The following STAB2 variants were observed in gnomAD, a reference collection of about 807,000 sequenced individuals.
STAB2 encodes the protein stabilin 2.
In STAB2, 288 loss-of-function variants were observed where a neutral mutation model predicts 338.1. The ratio of observed to expected loss-of-function variants is 0.85; its 90% confidence interval spans 0.77 to 0.94. The LOEUF (loss-of-function observed/expected upper bound fraction) is 0.94. Ranked by LOEUF, STAB2 falls within the 40% of genes least tolerant of loss-of-function variation. The probability of loss-of-function intolerance (pLI) is 0.00; values close to 1 mark genes in which losing one functional copy is unlikely to be tolerated. For synonymous variants in STAB2, 1,202 were observed against 1,193.3 expected (o/e 1.01, Z -0.15); for missense variants, 3,141 against 3,210.1 (o/e 0.98, Z 0.52).
intron 9 of STAB2, among the ~76,000 whole-genome samples, chr12:103,642,993 A>G (rs2138702461): frequency 6.6e-6 from 1 of 152,190 alleles, no homozygotes; most frequent in East Asian, 1.9e-4. Context: ...TTGCTATAAT[A>G]AAGTACCATA....
chr12:103,744,484 T>TA (rs1242948603), intron 56 of STAB2, among the ~76,000 whole-genome samples: 1 of 90,648 alleles, frequency 1.1e-5, no homozygotes, highest in African/African-American at 4.5e-5. Context: ...TTTTTTTTTT[T>TA]AAGACAGGGT....
rs114961062 is a variant in STAB2 at position 103,642,805 on chromosome 12, A to C, written c.1040+2549A>C. 4.5e-3 allele frequency among the ~76,000 whole-genome samples: 681 copies of C among 152,322 alleles called. 7 individuals carry two copies. The highest frequency in any genetic ancestry group is 0.016 in the African/African-American group (651 of 41,570). Reference sequence around the variant, plus strand: ...CTCAGAAGCCTGCAATTTCCTGCCCAAACAGCTCCAAACCAGCTTCCAGGG... The same window carrying C: ...CTCAGAAGCCTGCAATTTCCTGCCCCAACAGCTCCAAACCAGCTTCCAGGG... On this transcript the variant is annotated intron_variant, in intron 9 of 68. Coordinates refer to ENST00000388887, the MANE Select transcript of STAB2 (RefSeq NM_017564.10).
intron 23 of STAB2, 60 bp from the exon 24 acceptor site, chr12:103,675,868 G>A: frequency 1.5e-6 from 2 of 1,370,488 alleles, no homozygotes; most frequent in Non-Finnish European, 2.0e-6. Context: ...TAGCTGGCTG[G>A]CTCTCTTCTG....
chr12:103,708,790 A>G (rs1428355077), intron 39 of STAB2, among the ~76,000 whole-genome samples: 1 of 152,216 alleles, frequency 6.6e-6, no homozygotes, highest in African/African-American at 2.4e-5. Flanking sequence ...TAGGTATATA[A>G]GCAAATGTGT....
At chr12:103,612,160 G>C (rs1431499547) in intron 3 of STAB2, among the ~76,000 whole-genome samples, 1 of 152,104 alleles carries the variant, frequency 6.6e-6, no homozygotes, top group African/African-American at 2.4e-5. Flanking sequence ...ACAATTATGT[G>C]TCTTGGAGTT....
At chr12:103,612,032 T>G (rs948195962) in intron 3 of STAB2, among the ~76,000 whole-genome samples, 33 of 152,230 alleles carry the variant, frequency 2.2e-4, no homozygotes, top group Non-Finnish European at 4.4e-4. Flanking sequence ...TCTTCTGGCT[T>G]GTAGAGTTTC....
At chr12:103,760,008 A>G (rs1884420780) in intron 65 of STAB2, among the ~76,000 whole-genome samples, 1 of 152,214 alleles carries the variant, frequency 6.6e-6, no homozygotes. Context: ...ATGACTAAGA[A>G]ATAGATGGTG....
At chr12:103,724,913 C>T (rs1363919414) in intron 44 of STAB2, 62 bp from the exon 45 acceptor site, 20 of 1,585,842 alleles carry the variant, frequency 1.3e-5, no homozygotes, top group East Asian at 2.3e-5. Flanking sequence ...TTGTAAATAT[C>T]GGTAGAGCTG....
intron 4 of STAB2, 117 bp downstream of exon 4, chr12:103,620,670 T>TGC: frequency 2.3e-6 from 2 of 887,216 alleles, no homozygotes; most frequent in Non-Finnish European, 3.4e-6. Context: ...CACACACATA[T>TGC]ACAGCGAAGT....
chr12:103,705,949 A>G (rs1158312722), intron 37 of STAB2, among the ~76,000 whole-genome samples: 1 of 152,198 alleles, frequency 6.6e-6, no homozygotes, highest in African/African-American at 2.4e-5. Context: ...ATTCAGTTTC[A>G]TGATGAAAAA....
intron 39 of STAB2, among the ~76,000 whole-genome samples, chr12:103,709,281 C>G (rs1323052222): frequency 6.6e-6 from 1 of 152,076 alleles, no homozygotes; most frequent in East Asian, 1.9e-4. Context: ...CAAAGGATTG[C>G]AGAATGAGAG....
At chr12:103,738,552 ACTAT>A (rs1422905386) in intron 53 of STAB2, among the ~76,000 whole-genome samples, 1 of 152,198 alleles carries the variant, frequency 6.6e-6, no homozygotes, top group African/African-American at 2.4e-5. Flanking sequence ...AATTTCAATA[ACTAT>A]CCCAAATTTT....
At chr12:103,751,057 G>A (rs17505851) in intron 60 of STAB2, among the ~76,000 whole-genome samples, 30,105 of 152,210 alleles carry the variant, frequency 0.2, 3,341 homozygotes, top group Non-Finnish European at 0.25. Context: ...GAAACCCAAC[G>A]GAGGAAGCCA....
Position 103,749,138 on chromosome 12 carries a change from C to T in STAB2, c.6420C>T (p.Thr2140=). Reference sequence around the variant, plus strand: ...ACGGAGGGTGTCACGAGCACGCCACCTGTAAGATGACAGGCCCGGTGAGTC... The same window carrying T: ...ACGGAGGGTGTCACGAGCACGCCACTTGTAAGATGACAGGCCCGGTGAGTC... ...GLNGGCHEHA[T]CKMTGPGKHK... Residue 2140 remains threonine, a synonymous_variant, in exon 59 of 69, where the codon ACC becomes ACT. Coordinates refer to ENST00000388887, the MANE Select transcript of STAB2 (RefSeq NM_017564.10). The T allele has an allele frequency of 6.2e-7, 1 of 1,604,416 alleles. No homozygotes were observed. The highest frequency in any genetic ancestry group is 1.1e-5 in the South Asian group (1 of 90,692).
In STAB2 at chr12:103,720,898, G is replaced by A. The variant is rs1880708994; in HGVS notation, c.4683+3057G>A. ...GGTGCCTTCTTGCTCATTGGTAGAA[G>A]GGACAACTGAGTTCCCTTGGGTCTC... On this transcript the variant is annotated intron_variant, in intron 44 of 68. Coordinates refer to ENST00000388887, the MANE Select transcript of STAB2 (RefSeq NM_017564.10). Among the ~76,000 whole-genome samples, 3 of 152,300 alleles carry A rather than the reference G, an allele frequency of 2.0e-5. No homozygotes were observed. The East Asian group carries it at 5.8e-4, about 29-fold the overall frequency.
Position 103,717,758 on chromosome 12 carries a change from A to G in STAB2, c.4612-12A>G. The G allele has an allele frequency of 1.2e-6, 2 of 1,613,798 alleles. No homozygotes were observed. The highest frequency in any genetic ancestry group is 2.2e-5 in the East Asian group (1 of 44,870). On this transcript the variant is annotated splice_polypyrimidine_tract_variant and intron_variant, in intron 43 of 68. Coordinates refer to ENST00000388887, the MANE Select transcript of STAB2 (RefSeq NM_017564.10). ...CTGCAAAATGACCCCATGTGCTTCT[A>G]CTCCTGGACAGGCTGCCTGTAACTG...
intron 3 of STAB2, among the ~76,000 whole-genome samples, chr12:103,609,831 A>G (rs1957093488): frequency 2.0e-5 from 3 of 152,134 alleles, no homozygotes; most frequent in Non-Finnish European, 4.4e-5. Context: ...GGTTTGTCAT[A>G]AATAGCTCTT....
At chr12:103,664,112 A>AGTTTTGTTTTGTTCTGTTTT (rs1555233689) in intron 18 of STAB2, among the ~76,000 whole-genome samples, 13 of 151,438 alleles carry the variant, frequency 8.6e-5, no homozygotes, top group Admixed American at 2.6e-4. Flanking sequence ...TGGCTCAGCC[A>AGTTTTGTTTTGTTCTGTTTT]GTTTTGTTTT....
At chr12:103,622,229 G>A in intron 5 of STAB2, 118 bp downstream of exon 5, 1 of 1,040,604 alleles carries the variant, frequency 9.6e-7, no homozygotes, top group East Asian at 2.5e-5. Flanking sequence ...AATTTCAGCA[G>A]AATTAAATTT....
Sources: gnomAD v4.1 joint callset for allele counts (sites outside exome capture counted in the v4.1 genomes callset) on GRCh38, gnomAD v4.1.1 for gene constraint, MANE v1.5 for transcripts, NCBI Gene and HGNC (gene_info 2026-07-23, HGNC 2026-07-21) for gene names.